BCKDHB: variants seen among roughly 807,000 people sequenced by gnomAD.
The protein encoded by BCKDHB is branched chain keto acid dehydrogenase E1 subunit beta, also known as 2-oxoisovalerate dehydrogenase subunit beta, mitochondrial.
A neutral mutation model predicts 48.5 loss-of-function variants in BCKDHB; 41 were observed. That is an observed-to-expected ratio of 0.85 (90% CI 0.66 to 1.10). The LOEUF is 1.10. BCKDHB is among the 50% of genes least tolerant of loss of function. The pLI is 0.00. For missense variants in BCKDHB, 496 were observed against 494.2 expected (o/e 1.00, Z -0.03); for synonymous variants, 201 against 174.8 (o/e 1.15, Z -1.18).
chr6:80,285,844 C>T lies in BCKDHB; in HGVS notation c.1038+12623C>T, dbSNP rs572505553. Among the ~76,000 whole-genome samples the T allele has an allele frequency of 1.4e-4, 21 of 152,024 alleles. 1 individual carries two copies. In the South Asian group the frequency reaches 4.2e-3, roughly 30 times the overall value. On this transcript the variant is annotated intron_variant, in intron 9 of 9. Coordinates refer to ENST00000320393, the MANE Select transcript of BCKDHB (RefSeq NM_183050.4). Reference sequence around the variant, plus strand: ...CTTTTTTTCCTCCCTTGGGGTTGATCAAAGATGATACTCATTAAAAATACT... The same window carrying T: ...CTTTTTTTCCTCCCTTGGGGTTGATTAAAGATGATACTCATTAAAAATACT...
intron 8 of BCKDHB, among the ~76,000 whole-genome samples, chr6:80,250,123 C>T (rs1562174611): frequency 6.6e-6 from 1 of 152,100 alleles, no homozygotes; most frequent in African/African-American, 2.4e-5. Context: ...AGTTGGCTCT[C>T]CTTCTTCTCT....
At chr6:80,144,605 A>G (rs1300195636) in intron 3 of BCKDHB, among the ~76,000 whole-genome samples, 2 of 152,108 alleles carry the variant, frequency 1.3e-5, no homozygotes, top group Non-Finnish European at 2.9e-5. Context: ...TGTAAGCAGA[A>G]TTTGAGCCAA....
At chr6:80,177,160 T>C (rs968797590) in intron 6 of BCKDHB, among the ~76,000 whole-genome samples, 1 of 134,838 alleles carries the variant, frequency 7.4e-6, no homozygotes, top group African/African-American at 2.9e-5. Context: ...CTGGGGAGGC[T>C]GAGGCTGCAG....
intron 3 of BCKDHB, among the ~76,000 whole-genome samples, chr6:80,130,430 A>G (rs1226860531): frequency 6.6e-6 from 1 of 152,152 alleles, no homozygotes; most frequent in Non-Finnish European, 1.5e-5. Flanking sequence ...CCAAGAACCC[A>G]TACATGTTCC....
chr6:80,248,566 A>G (rs1439033793), intron 8 of BCKDHB, among the ~76,000 whole-genome samples: 3 of 152,154 alleles, frequency 2.0e-5, no homozygotes, highest in East Asian at 3.9e-4. Context: ...TTCTGGCTTG[A>G]CTACAGGATC....
intron 9 of BCKDHB, among the ~76,000 whole-genome samples, chr6:80,280,916 A>G (rs991239194): frequency 6.6e-6 from 1 of 152,114 alleles, no homozygotes; most frequent in Admixed American, 6.6e-5. Flanking sequence ...GATGAGGGAG[A>G]GGCAGACAGA....
At chr6:80,401,985 T>C in the BCKDHB span, among the ~76,000 whole-genome samples, 1 of 151,878 alleles carries the variant, frequency 6.6e-6, no homozygotes. Context: ...GTATATTGTG[T>C]GTTCTACAGT....
intron 8 of BCKDHB, among the ~76,000 whole-genome samples, chr6:80,257,949 T>A (rs1344167795): frequency 6.6e-6 from 1 of 152,094 alleles, no homozygotes; most frequent in Non-Finnish European, 1.5e-5. Context: ...ACTTAACTAT[T>A]TGACACCTCA....
the BCKDHB span, among the ~76,000 whole-genome samples, chr6:80,421,927 C>T: frequency 6.6e-6 from 1 of 152,068 alleles, no homozygotes; most frequent in African/African-American, 2.4e-5. Flanking sequence ...AAAGAAAAAC[C>T]CATTTTCTTG....
chr6:80,106,664 A>C (rs528856152), upstream of BCKDHB: 43 of 1,547,306 alleles, frequency 2.8e-5, no homozygotes, highest in African/African-American at 4.4e-4. Flanking sequence ...GTGCGGCTGC[A>C]TAGCCTGAGA....
intron 8 of BCKDHB, among the ~76,000 whole-genome samples, chr6:80,237,377 A>G (rs772265540): frequency 2.6e-5 from 4 of 152,214 alleles, no homozygotes; most frequent in Non-Finnish European, 5.9e-5. Context: ...CAACTTAAAG[A>G]TTCTAATAAC....
chr6:80,281,429 A>G (rs1307382814), intron 9 of BCKDHB, among the ~76,000 whole-genome samples: 2 of 152,176 alleles, frequency 1.3e-5, no homozygotes, highest in Non-Finnish European at 2.9e-5. Flanking sequence ...ATGCTTCCAG[A>G]ATTTAAGACA....
chr6:80,427,141 T>TTCA, the BCKDHB span, among the ~76,000 whole-genome samples: 1 of 152,116 alleles, frequency 6.6e-6, no homozygotes, highest in Non-Finnish European at 1.5e-5. Flanking sequence ...GACCTTCATC[T>TTCA]GAAATTAATA....
chr6:80,410,707 G>A, the BCKDHB span, among the ~76,000 whole-genome samples: 1 of 152,090 alleles, frequency 6.6e-6, no homozygotes, highest in African/African-American at 2.4e-5. Context: ...TTCAATCACT[G>A]ATATTCTTTC....
chr6:80,386,081 G>A, the BCKDHB span, among the ~76,000 whole-genome samples: 1 of 152,198 alleles, frequency 6.6e-6, no homozygotes, highest in South Asian at 2.1e-4. Context: ...AGGGGATTGG[G>A]ATGGTGGAGT....
At chr6:80,369,389 A>G in the BCKDHB span, among the ~76,000 whole-genome samples, 1 of 152,324 alleles carries the variant, frequency 6.6e-6, no homozygotes, top group South Asian at 2.1e-4. Context: ...ACTGGAACCC[A>G]GAAGAGTTTG....
At chr6:80,146,530 G>T (rs1298023188) in intron 3 of BCKDHB, among the ~76,000 whole-genome samples, 1 of 152,084 alleles carries the variant, frequency 6.6e-6, no homozygotes, top group East Asian at 1.9e-4. Context: ...GCCTAAATCC[G>T]CAGGGATGGG....
rs3812116 is a variant in BCKDHB at position 80,333,958 on chromosome 6, T to C, written c.1039-9706T>C. On this transcript the variant is annotated intron_variant, in intron 9 of 9. Coordinates refer to ENST00000320393, the MANE Select transcript of BCKDHB (RefSeq NM_183050.4). ...ATTTGTCTATACTGAGCATGTAATATGTACTTTGTGAAAATAGGTATAAAA... is the reference window on the plus strand; with the variant it reads ...ATTTGTCTATACTGAGCATGTAATACGTACTTTGTGAAAATAGGTATAAAA... 9.0e-4 allele frequency among the ~76,000 whole-genome samples: 137 copies of C among 152,262 alleles called. 2 individuals are homozygous for C. In the East Asian group the frequency reaches 0.025, roughly 28 times the overall value.
chr6:80,227,454 T>G (rs1172939349), intron 8 of BCKDHB, among the ~76,000 whole-genome samples: 1 of 152,238 alleles, frequency 6.6e-6, no homozygotes, highest in African/African-American at 2.4e-5. Context: ...CTTTTCAATT[T>G]AATTTTGCTA....
Sources: gnomAD v4.1 joint callset for allele counts (sites outside exome capture counted in the v4.1 genomes callset) on GRCh38, gnomAD v4.1.1 for gene constraint, MANE v1.5 for transcripts, NCBI Gene and HGNC (gene_info 2026-07-23, HGNC 2026-07-21) for gene names.